The following ANKFN1 variants were observed in gnomAD, a reference collection of about 807,000 sequenced individuals.
ANKFN1 encodes the protein ankyrin repeat and fibronectin type III domain containing 1.
ANKFN1 carries 74 observed loss-of-function variants against 108.7 expected under a neutral mutation model. That is an observed-to-expected ratio of 0.68 (90% CI 0.56 to 0.83). ANKFN1 has a LOEUF of 0.83. ANKFN1 is among the 40% of genes least tolerant of loss of function. The pLI is 0.00. For synonymous variants in ANKFN1, 547 were observed against 516.2 expected (o/e 1.06, Z -0.81); for missense variants, 1,505 against 1,382.3 (o/e 1.09, Z -1.41).
intron 1 of ANKFN1, among the ~76,000 whole-genome samples, chr17:56,209,591 C>A (rs1314426835): frequency 6.6e-6 from 1 of 152,182 alleles, no homozygotes; most frequent in Non-Finnish European, 1.5e-5. Context: ...TCTCCTAAAT[C>A]AGAGGTCATA....
intron 8 of ANKFN1, among the ~76,000 whole-genome samples, chr17:56,407,322 C>G (rs181560242): frequency 3.9e-5 from 6 of 152,172 alleles, no homozygotes; most frequent in Non-Finnish European, 7.4e-5. Flanking sequence ...TACCAGGTGC[C>G]AAGCTAAATG....
intron 1 of ANKFN1, among the ~76,000 whole-genome samples, chr17:56,159,033 C>CAAAAAAAAAA (rs57878541): frequency 5.6e-5 from 4 of 70,996 alleles, no homozygotes; most frequent in Admixed American, 2.0e-4. Flanking sequence ...TGGTCTAGGC[C>CAAAAAAAAAA]AAAAAAAAAA....
chr17:56,446,876 G>A (rs1338340556), intron 10 of ANKFN1, among the ~76,000 whole-genome samples: 1 of 152,136 alleles, frequency 6.6e-6, no homozygotes, highest in African/African-American at 2.4e-5. Context: ...CTGCACTCCA[G>A]CCTAGGCAAC....
Position 56,088,492 on chromosome 17 carries a change from ACTT to A in ANKFN1, c.288+42173_288+42175del, listed in dbSNP as rs1474415011. Among the ~76,000 whole-genome samples the A allele has an allele frequency of 4.0e-5, 6 of 150,986 alleles. 1 individual carries two copies. Among genetic ancestry groups the A allele is most frequent in the African/African-American group, 1.5e-4 (6 of 41,170 alleles). ...TGGAAGCCCCCTGAGGCATCCGGTC[ACTT>A]CTTCTAGCTGGTTTCTAGCTGGTGG... On this transcript the variant is annotated intron_variant, in intron 4 of 12. Coordinates refer to the ANKFN1 transcript ENST00000635860.
chr17:56,229,661 C>CAAAAAAAAA (rs58714064), intron 3 of ANKFN1, among the ~76,000 whole-genome samples: 1 of 40,186 alleles, frequency 2.5e-5, no homozygotes, highest in African/African-American at 9.0e-5. Flanking sequence ...TTTCAGATTG[C>CAAAAAAAAA]AAAAAAAAAA....
At position 56,380,457 on chromosome 17, in the gene ANKFN1, G is replaced by A. The variant is rs573054142; in HGVS notation, c.910+5743G>A. Among the ~76,000 whole-genome samples, 52 of 152,250 alleles carry A rather than the reference G, an allele frequency of 3.4e-4. No individual in the cohort carries two copies. The South Asian group carries it at 7.7e-3, about 22-fold the overall frequency. On this transcript the variant is annotated intron_variant, in intron 8 of 20. Transcript: ENST00000682825. The stretch of plus-strand genomic sequence containing the variant: ...CGCAGGACAGTGGGTGCAGTGCACC[G>A]TGCACGAGCCAAAGCAGGATGAGGC...
intron 8 of ANKFN1, among the ~76,000 whole-genome samples, chr17:56,432,137 C>T (rs1168710548): frequency 6.6e-6 from 1 of 152,154 alleles, no homozygotes; most frequent in Non-Finnish European, 1.5e-5. Context: ...TAAAAGAGTT[C>T]TTGCTATTGT....
rs7216555 is a variant in ANKFN1 at position 56,391,225 on chromosome 17, A to G, written c.910+16511A>G. Among the ~76,000 whole-genome samples the G allele has an allele frequency of 3.3e-4, 7 of 21,324 alleles. No individual in the cohort carries two copies. The South Asian group carries it at 7.5e-3, about 23-fold the overall frequency. The allele number at this position is 21,324 out of a possible 152,430, so 14.0% of individuals were successfully genotyped here. On this transcript the variant is annotated intron_variant, in intron 8 of 20. Coordinates refer to ENST00000682825, the MANE Select transcript of ANKFN1 (RefSeq NM_001370326.1). Reference sequence around the variant, plus strand: ...GGCCCAAGAATACATATATATATATATATATATATATATATATATATATGT... The same window carrying G: ...GGCCCAAGAATACATATATATATATGTATATATATATATATATATATATGT...
intron 4 of ANKFN1, among the ~76,000 whole-genome samples, chr17:56,071,533 C>T (rs1905120996): frequency 6.6e-6 from 1 of 152,200 alleles, no homozygotes; most frequent in South Asian, 2.1e-4. Context: ...TACATATCAA[C>T]TGGGTTGACT....
At chr17:56,065,860 G>A (rs1905051978) in intron 4 of ANKFN1, among the ~76,000 whole-genome samples, 1 of 152,194 alleles carries the variant, frequency 6.6e-6, no homozygotes, top group African/African-American at 2.4e-5. Context: ...ATGTGGCACA[G>A]AGACACAAAG....
chr17:56,300,172 C>A (rs1297311025), intron 3 of ANKFN1, among the ~76,000 whole-genome samples: 1 of 152,106 alleles, frequency 6.6e-6, no homozygotes, highest in Non-Finnish European at 1.5e-5. Context: ...GAAGACTAGG[C>A]CTTTAGGGAG....
At chr17:56,171,388 A>T (rs9897571) in intron 1 of ANKFN1, among the ~76,000 whole-genome samples, 81,240 of 151,872 alleles carry the variant, frequency 0.53, 22,028 homozygotes, top group East Asian at 0.81. Context: ...TGTTTCTCCC[A>T]CTGACCTAAG....
chr17:56,185,767 G>A (rs1179544461), intron 1 of ANKFN1, among the ~76,000 whole-genome samples: 1 of 152,104 alleles, frequency 6.6e-6, no homozygotes, highest in East Asian at 1.9e-4. Flanking sequence ...ACCAATCTAC[G>A]AGATTGGCCA....
At chr17:56,420,374 A>C (rs1196357383) in intron 8 of ANKFN1, among the ~76,000 whole-genome samples, 4 of 152,220 alleles carry the variant, frequency 2.6e-5, no homozygotes, top group Non-Finnish European at 5.9e-5. Flanking sequence ...AAATAGTTAA[A>C]ATAATGGTTA....
intron 4 of ANKFN1, among the ~76,000 whole-genome samples, chr17:56,103,784 G>A (rs930478486): frequency 5.9e-5 from 9 of 152,194 alleles, no homozygotes; most frequent in African/African-American, 2.2e-4. Flanking sequence ...TGTTGGTAGA[G>A]GGTTATGTAC....
chr17:56,132,568 G>A (rs1457604369), intron 4 of ANKFN1, among the ~76,000 whole-genome samples: 1 of 152,156 alleles, frequency 6.6e-6, no homozygotes, highest in Non-Finnish European at 1.5e-5. Context: ...AACAGAGTAG[G>A]TCATTGGGAA....
chr17:56,163,128 C>T (rs1055375715), intron 1 of ANKFN1, among the ~76,000 whole-genome samples: 1 of 152,104 alleles, frequency 6.6e-6, no homozygotes, highest in Non-Finnish European at 1.5e-5. Context: ...GTTGAGCTCA[C>T]CAGAACAGAG....
At chr17:56,185,870 A>G (rs1425982210) in intron 1 of ANKFN1, among the ~76,000 whole-genome samples, 1 of 152,214 alleles carries the variant, frequency 6.6e-6, no homozygotes, top group Non-Finnish European at 1.5e-5. Context: ...ACTCTGCCAG[A>G]ATTGTATTTA....
At chr17:56,273,070 C>T (rs915375294) in intron 3 of ANKFN1, among the ~76,000 whole-genome samples, 2 of 152,176 alleles carry the variant, frequency 1.3e-5, no homozygotes, top group Admixed American at 6.5e-5. Context: ...CAAATTCTAC[C>T]TTTTCCGGGA....
Sources: gnomAD v4.1 joint callset for allele counts (sites outside exome capture counted in the v4.1 genomes callset) on GRCh38, gnomAD v4.1.1 for gene constraint, MANE v1.5 for transcripts, NCBI Gene and HGNC (gene_info 2026-07-23, HGNC 2026-07-21) for gene names.